The following SV2A variants were observed in gnomAD, a reference collection of about 807,000 sequenced individuals.
SV2A encodes synaptic vesicle glycoprotein 2A.
A neutral mutation model predicts 78.0 loss-of-function variants in SV2A; 25 were observed. The ratio of observed to expected loss-of-function variants is 0.32; its 90% confidence interval spans 0.23 to 0.45. The LOEUF (loss-of-function observed/expected upper bound fraction) is 0.45. Among genes scored for constraint, SV2A ranks in the 20% least tolerant of loss-of-function variants. SV2A has a pLI of 1.00. For synonymous variants in SV2A, 355 were observed against 384.7 expected (o/e 0.92, Z 0.90); for missense variants, 752 against 971.5 (o/e 0.77, Z 3.00).
At chr1:149,909,739 G>A in intron 6 of SV2A, 62 bp downstream of exon 6, 2 of 1,575,020 alleles carry the variant, frequency 1.3e-6, no homozygotes, top group African/African-American at 1.3e-5. Flanking sequence ...ACTCAGAGAG[G>A]GGCCAGGTAG....
chr1:149,906,765 C>T lies in SV2A; in HGVS notation c.1770G>A (p.Thr590=), dbSNP rs781868951. 6 of 1,614,218 alleles carry T rather than the reference C, an allele frequency of 3.7e-6. No individual in the cohort carries two copies. In the East Asian group the frequency reaches 8.9e-5, roughly 24 times the overall value. Residue 590 remains threonine (T), a synonymous_variant, in exon 11 of 13, where the codon ACG becomes ACA. Coordinates refer to ENST00000369146, the MANE Select transcript of SV2A (RefSeq NM_014849.5). ...AGTATACCATGTAGGCACCTTCGCC[C>T]GTCCCTGTCACGTCTAGCGGGCAGC... is the stretch of plus-strand genomic sequence containing the variant. ...KEGCPLDVTG[T]GEGAYMVYFV...
Position 149,911,793 on chromosome 1 carries a change from C to A in SV2A, c.803+7G>T, listed in dbSNP as rs781881205. 1.9e-6 allele frequency: 3 copies of A among 1,613,168 alleles called. No individual in the cohort carries two copies. Among genetic ancestry groups the A allele is most frequent in the Non-Finnish European group, 2.5e-6 (3 of 1,179,444 alleles). ...GCCCTCAAGGGACTTAGGAAGTGTA[C>A]ACTCACCCAACCCCAGAAAGTAGGC... On this transcript the variant is annotated splice_region_variant and intron_variant, in intron 3 of 12. Transcript: ENST00000369146.
chr1:149,915,352 G>C (rs1553764411), intron 1 of SV2A, among the ~76,000 whole-genome samples: 2 of 152,110 alleles, frequency 1.3e-5, no homozygotes, highest in Non-Finnish European at 2.9e-5. Flanking sequence ...CCCTATCTAT[G>C]TTTCAACTAA....
intron 1 of SV2A, among the ~76,000 whole-genome samples, chr1:149,916,622 C>A (rs782792065): frequency 6.6e-6 from 1 of 152,238 alleles, no homozygotes; most frequent in Non-Finnish European, 1.5e-5. Context: ...TCCAGAACCC[C>A]CCACCCTCCC....
At chr1:149,911,456 T>G (rs1161759999) in intron 3 of SV2A, among the ~76,000 whole-genome samples, 9 of 151,988 alleles carry the variant, frequency 5.9e-5, no homozygotes, top group Admixed American at 2.6e-4. Context: ...ATGCAGGAAA[T>G]GTGTAGACTC....
At position 149,913,472 on chromosome 1, in the gene SV2A, C is replaced by A. The variant is rs781913070; in HGVS notation, c.369G>T (p.Arg123Ser). Reference protein sequence around the residue: ...MADGAPLAGVRGGLSDGEGPP... With the variant: ...MADGAPLAGVSGGLSDGEGPP... The stretch of plus-strand genomic sequence containing the variant: ...GACCCTCCCCATCACTCAAGCCCCC[C>A]CTTACTCCAGCCAGGGGCGCCCCAT... Residue 123 changes from arginine to serine, a missense_variant, in exon 2 of 13, where the codon AGG (arginine) becomes AGT (serine). Physicochemically the swap from Arg to Ser is moderately radical, Grantham distance 110 (BLOSUM62 -1). This residue lies in a region of SV2A where 291 missense variants were observed against 359.5 expected (regional missense o/e 0.81). Transcript: ENST00000369146. The A allele has an allele frequency of 1.2e-6, 2 of 1,613,576 alleles. No homozygotes were observed. Among genetic ancestry groups the A allele is most frequent in the Non-Finnish European group, 1.7e-6 (2 of 1,179,876 alleles).
In SV2A at chr1:149,908,165, T is replaced by C; in HGVS notation, c.1421A>G (p.His474Arg). The change falls in exon 9 of 13, where the codon CAT becomes CGT. Residue 474 changes from histidine to arginine, a missense_variant. Around this residue, in one of 7 missense-constraint regions of SV2A, gnomAD observed 81 missense variants for 74.2 expected, o/e 1.09. Transcript: ENST00000369146. ...LTVWFPDMIRHLQAVDYASRT... is the reference protein window; with the variant it reads ...LTVWFPDMIRRLQAVDYASRT... ...GGATGCGTAGTCCACTGCCTGGAGA[T>C]GGCGGATCATGTCAGGAAACCAGAC... 6.2e-7 allele frequency: 1 copy of C among 1,614,142 alleles called. No individual in the cohort carries two copies. The highest frequency in any genetic ancestry group is 2.2e-5 in the East Asian group (1 of 44,880).
At position 149,914,083 on chromosome 1, in the gene SV2A, A is replaced by G. The variant is rs1307024541; in HGVS notation, c.-243T>C. Reference sequence around the variant, plus strand: ...TCAGTTGGGTGGATGGGGAAGGGACAGGGGGAGCAGGGGAATGGGAAGGGG... The same window carrying G: ...TCAGTTGGGTGGATGGGGAAGGGACGGGGGGAGCAGGGGAATGGGAAGGGG... On this transcript the variant is annotated 5_prime_UTR_variant, in exon 2 of 13. Transcript: ENST00000369146. The G allele has an allele frequency of 7.8e-6, 3 of 382,592 alleles. No individual in the cohort carries two copies. Among genetic ancestry groups the G allele is most frequent in the African/African-American group, 6.1e-5 (3 of 48,830 alleles). The allele number at this position is 382,592 out of a possible 1,614,324, so 23.7% of individuals were successfully genotyped here.
Position 149,910,843 on chromosome 1 carries a change from G to A in SV2A, c.938C>T (p.Ala313Val), listed in dbSNP as rs1553763639. 2 of 1,614,158 alleles carry A rather than the reference G, an allele frequency of 1.2e-6. No individual in the cohort carries two copies. Among genetic ancestry groups the A allele is most frequent in the Non-Finnish European group, 1.7e-6 (2 of 1,180,032 alleles). The change falls in exon 4 of 13, where the codon GCC becomes GTC. Residue 313 changes from alanine to valine, a missense_variant. This residue lies in a region of SV2A where 43 missense variants were observed against 70.8 expected (regional missense o/e 0.61). Transcript: ENST00000369146. The surrounding 1 kb of genome is among the most constrained non-coding windows in gnomAD (Gnocchi z 4.2). ...GGVYAAAMAW[A>V]IIPHYGWSFQ... ...CTGCTCACCATAGTGGGGGATGATG[G>A]CCCAGGCCATAGCAGCTGCGTACAC... is the stretch of plus-strand genomic sequence containing the variant.
At position 149,911,122 on chromosome 1, in the gene SV2A, T is replaced by C. The variant is rs1467397212; in HGVS notation, c.804-145A>G. 1.5e-5 allele frequency: 16 copies of C among 1,078,042 alleles called. 1 individual carries two copies. In the East Asian group the frequency reaches 4.2e-4, roughly 29 times the overall value. The allele number at this position is 1,078,042 out of a possible 1,614,324, so 66.8% of individuals were successfully genotyped here. ...ACATAAAGCCTTACAAGCTCCCATGTGGGCCAGCCATCAAGCACCCATCCT... is the reference window on the plus strand; with the variant it reads ...ACATAAAGCCTTACAAGCTCCCATGCGGGCCAGCCATCAAGCACCCATCCT... On this transcript the variant is annotated intron_variant, in intron 3 of 12. Transcript: ENST00000369146.
intron 2 of SV2A, among the ~76,000 whole-genome samples, chr1:149,912,796 C>A (rs587750886): frequency 6.7e-6 from 1 of 150,294 alleles, no homozygotes; most frequent in Non-Finnish European, 1.5e-5. Context: ...CCCCCTCCCC[C>A]AACCACCCCA....
Position 149,904,967 on chromosome 1 carries a change from G to T in SV2A, c.*47C>A, listed in dbSNP as rs782281403. On this transcript the variant is annotated 3_prime_UTR_variant, in exon 13 of 13. Coordinates refer to ENST00000369146, the MANE Select transcript of SV2A (RefSeq NM_014849.5). ...GGGCAGGGAGGGGAAGGAAGGAGTT[G>T]TTGGTCTCACAGTGTGCCTGCCAAT... 1.9e-6 allele frequency: 3 copies of T among 1,547,302 alleles called. No individual in the cohort carries two copies. In the South Asian group the frequency reaches 3.6e-5, roughly 19 times the overall value.
intron 2 of SV2A, among the ~76,000 whole-genome samples, chr1:149,912,662 G>C (rs1443731952): frequency 1.3e-5 from 2 of 151,966 alleles, no homozygotes; most frequent in African/African-American, 4.8e-5. Context: ...GTGAGTCTAC[G>C]GGGTTCCTCC....
At position 149,905,735 on chromosome 1, in the gene SV2A, G is replaced by T. The variant is rs2092433369; in HGVS notation, c.2045+145C>A. ...TGGGATTACAGGCATGAGTCACCGT[G>T]CCCGGCCAAAGCTACCAGATTTTAG... On this transcript the variant is annotated intron_variant, in intron 12 of 12. Coordinates refer to ENST00000369146, the MANE Select transcript of SV2A (RefSeq NM_014849.5). The T allele has an allele frequency of 5.2e-6, 6 of 1,158,456 alleles. No homozygotes were observed. The East Asian group carries it at 9.7e-5, about 19-fold the overall frequency. The allele number at this position is 1,158,456 out of a possible 1,614,324, so 71.8% of individuals were successfully genotyped here. A position where few individuals can be genotyped will look rare whatever the true frequency, so the allele number is the denominator to read the frequency against.
chr1:149,915,182 T>C (rs1337960244), intron 1 of SV2A, among the ~76,000 whole-genome samples: 3 of 152,270 alleles, frequency 2.0e-5, no homozygotes, highest in East Asian at 1.9e-4. Flanking sequence ...TTTCTTGGAG[T>C]TGATGTGAGA....
intron 1 of SV2A, among the ~76,000 whole-genome samples, chr1:149,914,749 C>T (rs1197307071): frequency 6.6e-6 from 1 of 152,146 alleles, no homozygotes; most frequent in African/African-American, 2.4e-5. Flanking sequence ...ATGGGGTTGA[C>T]TTCCTGTTTT....
At chr1:149,905,293 G>A in intron 12 of SV2A, 96 bp from the exon 13 acceptor site, 1 of 1,151,294 alleles carries the variant, frequency 8.7e-7, no homozygotes. Flanking sequence ...GAAGATGCAG[G>A]CAGTGTCCAA....
chr1:149,916,327 A>C (rs1553764546), intron 1 of SV2A, among the ~76,000 whole-genome samples: 1 of 152,230 alleles, frequency 6.6e-6, no homozygotes, highest in Admixed American at 6.5e-5. Context: ...CAGCAAGCCC[A>C]GGAGGTCAGG....
At chr1:149,908,582 C>T (rs1553763153) in intron 8 of SV2A, among the ~76,000 whole-genome samples, 1 of 152,170 alleles carries the variant, frequency 6.6e-6, no homozygotes, top group Admixed American at 6.5e-5. Context: ...CAAGTGCTCC[C>T]ACTGCCCTTC....
Sources: allele counts gnomAD v4.1 joint callset (sites outside exome capture counted in the v4.1 genomes callset), GRCh38; gene constraint gnomAD v4.1.1; regional missense constraint gnomAD v4.1.1; non-coding constraint Gnocchi (gnomAD v3.1); transcripts MANE v1.5; gene names NCBI Gene and HGNC (gene_info 2026-07-23, HGNC 2026-07-21).